Variants in LPIN3 observed in about 807,000 individuals in gnomAD.
The protein encoded by LPIN3 is lipin 3.
Under a neutral mutation model 94.7 loss-of-function variants are expected in LPIN3, and 82 were observed. The ratio of observed to expected loss-of-function variants is 0.87; its 90% CI spans 0.72 to 1.04. LPIN3 has a LOEUF of 1.04. Ranked by LOEUF, LPIN3 falls within the 50% of genes least tolerant of loss-of-function variation. LPIN3 has a pLI of 0.00. For synonymous variants in LPIN3, 418 were observed against 443.3 expected (o/e 0.94, Z 0.72); for missense variants, 996 against 1,090.5 (o/e 0.91, Z 1.22).
At position 41,349,837 on chromosome 20, in the gene LPIN3, G is replaced by A; in HGVS notation, c.702G>A (p.Glu234=). 3 of 1,613,654 alleles carry A rather than the reference G, an allele frequency of 1.9e-6. No homozygotes were observed. The highest frequency in any genetic ancestry group is 1.7e-5 in the Admixed American group (1 of 60,016). ...SDSELEVRTP[E]PSPLRAESHM... Reference sequence around the variant, plus strand: ...CGGAGCTGGAGGTGCGGACCCCGGAGCCCAGTCCCCTAAGAGCCGAGTCCC... The same window carrying A: ...CGGAGCTGGAGGTGCGGACCCCGGAACCCAGTCCCCTAAGAGCCGAGTCCC... Residue 234 remains glutamate (E), a synonymous_variant, in exon 6 of 20, where the codon GAG becomes GAA. Transcript: ENST00000373257.
rs772682972 is a variant in LPIN3 at position 41,357,372 on chromosome 20, TGGG to T, written c.1965_1967del (p.Gly656del). 13 of 1,614,072 alleles carry T rather than the reference TGGG, an allele frequency of 8.1e-6. No individual in the cohort carries two copies. In the South Asian group the frequency reaches 1.4e-4, roughly 18 times the overall value. The stretch of plus-strand genomic sequence containing the variant: ...CTCTCTCACTCTAGGTCAGATGCTC[TGGG>T]CCATATCCTGCCCCAGCTGGGGAAA... On this transcript the variant is annotated inframe_deletion, in exon 16 of 20. Transcript: ENST00000373257.
In LPIN3 at chr20:41,341,361, C is replaced by T. The variant is rs564876470; in HGVS notation, c.-9+359C>T. Among the ~76,000 whole-genome samples the T allele has an allele frequency of 2.8e-4, 42 of 152,312 alleles. 1 individual carries two copies. Among genetic ancestry groups the T allele is most frequent in the African/African-American group, 9.4e-4 (39 of 41,574 alleles). On this transcript the variant is annotated intron_variant, in intron 1 of 19. Transcript: ENST00000373257. ...AGTGACTGGCCCTTGCCCTGCTTGC[C>T]CTGAGACTGGGCAGATCAGATGCTG...
Position 41,358,749 on chromosome 20 carries a change from G to A in LPIN3, c.2439G>A (p.Glu813=). Residue 813 remains glutamate (E), a synonymous_variant, in exon 20 of 20, where the codon GAG becomes GAA. Transcript: ENST00000373257. ...STYERLGEVV[E]LLFPPVARGP... ...ATGAGCGGCTTGGTGAAGTGGTCGA[G>A]CTCCTCTTCCCACCTGTGGCCCGTG... The A allele has an allele frequency of 6.2e-7, 1 of 1,614,020 alleles. No homozygotes were observed. Among genetic ancestry groups the A allele is most frequent in the Non-Finnish European group, 8.5e-7 (1 of 1,179,978 alleles).
At chr20:41,343,489 C>T (rs1425386399) in intron 1 of LPIN3, among the ~76,000 whole-genome samples, 1 of 152,204 alleles carries the variant, frequency 6.6e-6, no homozygotes, top group Non-Finnish European at 1.5e-5. Flanking sequence ...ATTTGAGTGA[C>T]ATCTTAGGGG....
Position 41,358,261 on chromosome 20 carries a change from G to T in LPIN3, c.2217G>T (p.Glu739Asp). ...GAGAGGTGATCGAGAAGAAACCAGA[G>T]GTGTTCAAGGTCGCCTGCCTGAGTG... ...LHREVIEKKP[E>D]VFKVACLSDI... The change falls in exon 18 of 20, where the codon GAG becomes GAT. Residue 739 changes from glutamate (E) to aspartate (D), a missense_variant. Transcript: ENST00000373257. 1 of 1,614,062 alleles carries T rather than the reference G, an allele frequency of 6.2e-7. No homozygotes were observed.
In LPIN3 at chr20:41,345,905, G is replaced by A; in HGVS notation, c.102G>A (p.Leu34=). The A allele has an allele frequency of 1.2e-6, 2 of 1,614,216 alleles. No individual in the cohort carries two copies. The highest frequency in any genetic ancestry group is 2.2e-5 in the East Asian group (1 of 44,880). ...CACTGAGCGGCGGCATTGACGTGCT[G>A]GTGGTGAAGCAGGTGGACGGCTCGT... is the stretch of plus-strand genomic sequence containing the variant. ...PATLSGGIDV[L]VVKQVDGSFR... is the part of the protein sequence containing the mutation. Residue 34 remains leucine, a synonymous_variant, in exon 2 of 20, where the codon CTG becomes CTA. Transcript: ENST00000373257.
chr20:41,359,123 CTTTTT>C lies in LPIN3; in HGVS notation c.*278_*282del, dbSNP rs75257468. ...TTGTCATCTGGGCCCTTGCAGGGTT[CTTTTT>C]TTTTTTTTTTTTTTTTTTTTCCTGA... On this transcript the variant is annotated 3_prime_UTR_variant, in exon 20 of 20. Coordinates refer to ENST00000373257, the MANE Select transcript of LPIN3 (RefSeq NM_022896.3). The C allele has an allele frequency of 1.9e-4, 15 of 77,022 alleles. No individual in the cohort carries two copies. Among genetic ancestry groups the C allele is most frequent in the South Asian group, 8.7e-4 (2 of 2,296 alleles). The allele number at this position is 77,022 out of a possible 1,614,324, so 4.8% of individuals were successfully genotyped here.
chr20:41,348,907 C>T lies in LPIN3; in HGVS notation c.557+20C>T. 1 of 1,594,930 alleles carries T rather than the reference C, an allele frequency of 6.3e-7. No individual in the cohort carries two copies. Among genetic ancestry groups the T allele is most frequent in the Non-Finnish European group, 8.6e-7 (1 of 1,168,946 alleles). On this transcript the variant is annotated intron_variant, in intron 4 of 19. Transcript: ENST00000373257. ...CCCAGGGTGTGTAAGGACCAAGGGACTTGAACCCCAGTTTGGGGGTTCAAG... is the reference window on the plus strand; with the variant it reads ...CCCAGGGTGTGTAAGGACCAAGGGATTTGAACCCCAGTTTGGGGGTTCAAG...
intron 5 of LPIN3, among the ~76,000 whole-genome samples, chr20:41,349,566 CCTT>C (rs60600725): frequency 0.059 from 8,935 of 152,028 alleles, 879 homozygotes; most frequent in African/African-American, 0.21. Context: ...TCCCTCCCAT[CCTT>C]CTTCTTACTG....
intron 1 of LPIN3, among the ~76,000 whole-genome samples, chr20:41,342,257 G>T (rs1235847570): frequency 6.6e-6 from 1 of 152,238 alleles, no homozygotes; most frequent in Non-Finnish European, 1.5e-5. Context: ...AAATGGCGGA[G>T]TGGGGATCAG....
At chr20:41,356,112 A>C (rs2046201352) in intron 14 of LPIN3, 78 bp downstream of exon 14, 1 of 1,553,914 alleles carries the variant, frequency 6.4e-7, no homozygotes, top group Admixed American at 1.8e-5. Flanking sequence ...GACCTGGCTG[A>C]GAAATGGCTC....
At chr20:41,343,766 A>T (rs550943574) in intron 1 of LPIN3, among the ~76,000 whole-genome samples, 1 of 152,366 alleles carries the variant, frequency 6.6e-6, no homozygotes, top group East Asian at 1.9e-4. Context: ...TCCTGTTAAA[A>T]TGCAGATGCT....
At chr20:41,355,263 T>C (rs936328228) in intron 13 of LPIN3, among the ~76,000 whole-genome samples, 25 of 152,348 alleles carry the variant, frequency 1.6e-4, no homozygotes, top group African/African-American at 5.8e-4. Context: ...TCTGCCCACC[T>C]TGGCATCCCA....
At chr20:41,348,456 C>T (rs1212361886) in intron 3 of LPIN3, among the ~76,000 whole-genome samples, 163 bp from the exon 4 acceptor site, 2 of 152,178 alleles carry the variant, frequency 1.3e-5, no homozygotes, top group African/African-American at 2.4e-5. Flanking sequence ...CCTCTGAGGC[C>T]AGCAGTGGCT....
chr20:41,346,762 A>T (rs550543788), intron 2 of LPIN3, among the ~76,000 whole-genome samples: 21 of 152,210 alleles, frequency 1.4e-4, no homozygotes, highest in East Asian at 3.9e-4. Context: ...TAAATAAATA[A>T]AAATAAATAA....
intron 5 of LPIN3, 69 bp downstream of exon 5, chr20:41,349,241 C>T: frequency 7.3e-7 from 1 of 1,375,636 alleles, no homozygotes; most frequent in Non-Finnish European, 1.0e-6. Flanking sequence ...TGCATTTTTC[C>T]TGATGACTAA....
At chr20:41,356,055 T>C (rs749706785) in intron 14 of LPIN3, 21 bp downstream of exon 14, 1 of 1,610,118 alleles carries the variant, frequency 6.2e-7, no homozygotes, top group Non-Finnish European at 8.5e-7. Flanking sequence ...GTTGTCTGTG[T>C]GGAGGTTGGG....
Position 41,349,532 on chromosome 20 carries a change from TC to T in LPIN3, c.639-240del, listed in dbSNP as rs368424080. ...CTTTGCCATCTTCTTTTTTTTTCCT[TC>T]CTTCCCTTCCTTCCTTCCTTCCTCC... On this transcript the variant is annotated intron_variant, in intron 5 of 19. Coordinates refer to ENST00000373257, the MANE Select transcript of LPIN3 (RefSeq NM_022896.3). 2.2e-4 allele frequency among the ~76,000 whole-genome samples: 33 copies of T among 152,108 alleles called. No individual in the cohort carries two copies. The East Asian group carries it at 3.7e-3, about 17-fold the overall frequency.
rs2045896385 is a variant in LPIN3, at chr20:41,348,988, A to C, written c.557+101A>C. ...TTGGGCAAGGGCCTTGACCTCTCTG[A>C]GCAGTAGTTGCTTCACCTTACCAAG... On this transcript the variant is annotated intron_variant, in intron 4 of 19. Coordinates refer to ENST00000373257, the MANE Select transcript of LPIN3 (RefSeq NM_022896.3). 5.1e-6 allele frequency: 8 copies of C among 1,577,972 alleles called. No individual in the cohort carries two copies. The South Asian group carries it at 9.2e-5, about 18-fold the overall frequency.
Sources: allele counts gnomAD v4.1 joint callset (sites outside exome capture counted in the v4.1 genomes callset), GRCh38; gene constraint gnomAD v4.1.1; transcripts MANE v1.5; gene names NCBI Gene and HGNC (gene_info 2026-07-23, HGNC 2026-07-21).